The following DLG2 variants were observed in gnomAD, a reference collection of about 807,000 sequenced individuals.
DLG2 encodes the protein discs large MAGUK scaffold protein 2, also known as disks large homolog 2.
Under a neutral mutation model 132.5 loss-of-function variants are expected in DLG2, and 45 were observed. The ratio of observed to expected loss-of-function variants is 0.34; its 90% CI spans 0.27 to 0.44. The LOEUF (loss-of-function observed/expected upper bound fraction) is 0.44, where lower values mean the gene tolerates loss of function less well. Among genes scored for constraint, DLG2 ranks in the 20% least tolerant of loss-of-function variants. DLG2 has a pLI of 1.00. For synonymous variants in DLG2, 424 were observed against 419.6 expected, an observed-to-expected ratio of 1.01 and a Z score of -0.13; for missense variants, 1,045 against 1,196.9, an observed-to-expected ratio of 0.87 and a Z score of 1.87.
chr11:83,493,580 T>C (rs188528631), intron 21 of DLG2, among the ~76,000 whole-genome samples: 14 of 152,258 alleles, frequency 9.2e-5, no homozygotes, highest in African/African-American at 3.1e-4. Flanking sequence ...GAATACATGC[T>C]CCAACTCCTT....
At chr11:85,189,795 G>A (rs1339218665) in intron 4 of DLG2, among the ~76,000 whole-genome samples, 1 of 151,852 alleles carries the variant, frequency 6.6e-6, no homozygotes, top group Non-Finnish European at 1.5e-5. Context: ...CACTCACAAT[G>A]AATGTATTTT....
At chr11:84,975,406 G>A (rs1037075031) in intron 6 of DLG2, among the ~76,000 whole-genome samples, 1 of 152,112 alleles carries the variant, frequency 6.6e-6, no homozygotes, top group African/African-American at 2.4e-5. Context: ...AAACTTAGCC[G>A]ATACATATCT....
At chr11:85,340,817 A>T (rs1203469015) in intron 3 of DLG2, among the ~76,000 whole-genome samples, 5 of 152,214 alleles carry the variant, frequency 3.3e-5, no homozygotes, top group African/African-American at 1.2e-4. Flanking sequence ...TTTGAGTCAT[A>T]GTAGAAAGCA....
chr11:84,880,324 C>G (rs1187709642), intron 6 of DLG2, among the ~76,000 whole-genome samples: 3 of 152,090 alleles, frequency 2.0e-5, no homozygotes, highest in African/African-American at 7.2e-5. Flanking sequence ...TAATTTCCAA[C>G]TGGGAATCTG....
intron 18 of DLG2, among the ~76,000 whole-genome samples, chr11:83,657,687 C>A (rs1014298690): frequency 6.6e-6 from 1 of 151,788 alleles, no homozygotes; most frequent in South Asian, 2.1e-4. Flanking sequence ...TACAGGCACC[C>A]GCCACCATGC....
chr11:84,682,670 G>A (rs531754357), intron 6 of DLG2, among the ~76,000 whole-genome samples: 1 of 152,312 alleles, frequency 6.6e-6, no homozygotes, highest in South Asian at 2.1e-4. Flanking sequence ...CAGTCCCCAT[G>A]ACTAGGGCCT....
At chr11:83,630,677 A>T (rs2063394423) in intron 19 of DLG2, among the ~76,000 whole-genome samples, 1 of 152,120 alleles carries the variant, frequency 6.6e-6, no homozygotes, top group African/African-American at 2.4e-5. Flanking sequence ...CACATAAACT[A>T]GGCCCTTAGG....
intron 11 of DLG2, among the ~76,000 whole-genome samples, chr11:83,985,496 C>T (rs1054855670): frequency 6.6e-6 from 1 of 152,026 alleles, no homozygotes; most frequent in Non-Finnish European, 1.5e-5. Flanking sequence ...CTTCCTGATG[C>T]TCTTCTTCCC....
chr11:84,041,072 G>T (rs1164164966), intron 11 of DLG2, among the ~76,000 whole-genome samples: 1 of 151,542 alleles, frequency 6.6e-6, no homozygotes, highest in Admixed American at 6.6e-5. Context: ...CATTGATTTT[G>T]TATCCTGAGA....
intron 8 of DLG2, among the ~76,000 whole-genome samples, chr11:84,225,311 C>T (rs2096975179): frequency 6.6e-6 from 1 of 152,282 alleles, no homozygotes; most frequent in East Asian, 1.9e-4. Flanking sequence ...ACATGCATAT[C>T]ACACACACAT....
At position 83,885,416 on chromosome 11, in the gene DLG2, C is replaced by T. The variant is rs370489027; in HGVS notation, c.1497-10928G>A. ...TAGAGAAAAAAAGAATAAAAAGAAA[C>T]GAACAAAGCCTCCAAGAAATATGGG... On this transcript the variant is annotated intron_variant, in intron 15 of 27. Transcript: ENST00000376104. Among the ~76,000 whole-genome samples, 603 of 152,156 alleles carry T rather than the reference C, an allele frequency of 4.0e-3. 7 individuals carry two copies. The highest frequency in any genetic ancestry group is 0.013 in the African/African-American group (546 of 41,522).
chr11:83,976,423 C>G (rs2092225615), intron 12 of DLG2, among the ~76,000 whole-genome samples: 2 of 151,824 alleles, frequency 1.3e-5, no homozygotes, highest in Non-Finnish European at 2.9e-5. Flanking sequence ...ATCATAGAAT[C>G]TAAATCATTT....
intron 6 of DLG2, among the ~76,000 whole-genome samples, chr11:84,917,358 T>TA (rs1210777634): frequency 6.6e-6 from 1 of 152,138 alleles, no homozygotes; most frequent in East Asian, 1.9e-4. Flanking sequence ...TACCTAATTT[T>TA]AAAAAAAGAT....
chr11:85,414,467 T>A (rs546004852), intron 3 of DLG2, among the ~76,000 whole-genome samples: 4 of 151,978 alleles, frequency 2.6e-5, no homozygotes, highest in African/African-American at 9.6e-5. Flanking sequence ...GAGTGCTTGA[T>A]ATAATTTCAA....
intron 3 of DLG2, among the ~76,000 whole-genome samples, chr11:85,363,310 T>C (rs2084297616): frequency 6.6e-6 from 1 of 152,218 alleles, no homozygotes; most frequent in South Asian, 2.1e-4. Flanking sequence ...TTTAGTAAGC[T>C]ATTCTCCTAT....
At chr11:84,201,065 T>G (rs2096585849) in intron 8 of DLG2, among the ~76,000 whole-genome samples, 1 of 152,200 alleles carries the variant, frequency 6.6e-6, no homozygotes, top group Non-Finnish European at 1.5e-5. Flanking sequence ...TCATTCAGTA[T>G]GATATTGGTT....
intron 4 of DLG2, among the ~76,000 whole-genome samples, chr11:85,264,495 T>C (rs10898383): frequency 0.15 from 22,527 of 152,182 alleles, 2,163 homozygotes; most frequent in South Asian, 0.26. Flanking sequence ...ACAGGACAGG[T>C]GTTTAGGTTG....
intron 5 of DLG2, among the ~76,000 whole-genome samples, chr11:85,151,236 T>C (rs1374748837): frequency 6.6e-6 from 1 of 152,234 alleles, no homozygotes; most frequent in Admixed American, 6.5e-5. Context: ...TGTTGAGTTG[T>C]AGAAGTTCTT....
At chr11:84,445,164 A>C (rs796143944) in intron 7 of DLG2, among the ~76,000 whole-genome samples, 16 of 152,176 alleles carry the variant, frequency 1.1e-4, no homozygotes, top group African/African-American at 3.9e-4. Context: ...TTCCCCACCA[A>C]ATCAGTCATT....
Sources: allele counts gnomAD v4.1 joint callset (sites outside exome capture counted in the v4.1 genomes callset), GRCh38; gene constraint gnomAD v4.1.1; transcripts MANE v1.5; gene names NCBI Gene and HGNC (gene_info 2026-07-23, HGNC 2026-07-21).